COL16A1: variants seen among roughly 807,000 people sequenced by gnomAD.
COL16A1 encodes the protein collagen alpha-1(XVI) chain.
Under a neutral mutation model 266.3 loss-of-function variants are expected in COL16A1, and 189 were observed. The ratio of observed to expected loss-of-function variants is 0.71; its 90% CI spans 0.63 to 0.80. The LOEUF is 0.80. Ranked by LOEUF, COL16A1 falls within the 30% of genes least tolerant of loss-of-function variation. COL16A1 has a pLI of 0.00. For missense variants in COL16A1, 1,928 were observed against 2,122.4 expected (o/e 0.91, Z 1.80); for synonymous variants, 740 against 782.3 (o/e 0.95, Z 0.90).
rs1160320824 is a variant in COL16A1 at position 31,689,902 on chromosome 1, G to C, written c.1510-51C>G. 3.9e-6 allele frequency: 6 copies of C among 1,521,826 alleles called. No individual in the cohort carries two copies. In the African/African-American group the frequency reaches 6.8e-5, roughly 17 times the overall value. The allele number at this position is 1,521,826 out of a possible 1,614,324, so 94.3% of individuals were successfully genotyped here. ...GGACAGGGTGGGGCTGAGACCCCAG[G>C]GAAGGCAAGGGGCCTCTTGCGCAGA... is the stretch of plus-strand genomic sequence containing the variant. On this transcript the variant is annotated intron_variant, in intron 22 of 70. Coordinates refer to ENST00000373672, the MANE Select transcript of COL16A1 (RefSeq NM_001856.4).
Position 31,662,672 on chromosome 1 carries a change from C to CGGGGGGGGGGGGGGGGGGGGGGGGGGGG in COL16A1, c.3556-15_3556-14insCCCCCCCCCCCCCCCCCCCCCCCCCCCC. 8.4e-7 allele frequency: 1 copy of CGGGGGGGGGGGGGGGGGGGGGGGGGGGG among 1,194,974 alleles called. No individual in the cohort carries two copies. The highest frequency in any genetic ancestry group is 1.2e-6 in the Non-Finnish European group (1 of 857,788). 74.0% of individuals were successfully genotyped at this position (1,194,974 alleles called of 1,614,324 possible). ...CCCTTCGCTGCCCTGGAAACCAGCG[C>CGGGGGGGGGGGGGGGGGGGGGGGGGGGG]CGCCCCCCCCCCCCGCCCCACAATA... On this transcript the variant is annotated splice_polypyrimidine_tract_variant and intron_variant, in intron 56 of 70. Transcript: ENST00000373672.
intron 52 of COL16A1, chr1:31,666,363 C>T (rs1326940446): frequency 6.3e-6 from 3 of 473,240 alleles, no homozygotes; most frequent in African/African-American, 4.0e-5. Context: ...CACTCTCTTG[C>T]TCAAACACCT....
In COL16A1 at chr1:31,668,831, T is replaced by C; in HGVS notation, c.3220A>G (p.Thr1074Ala). ...LPGLQGERGL[T>A]GLTGDKGEPG... is the part of the protein sequence containing the mutation. ...TCCCCCTTGTCTCCAGTCAGGCCCG[T>C]GAGACCTCGCTCTCCTTGAAGGCCC... The change falls in exon 50 of 71, where the codon ACG becomes GCG. Residue 1074 changes from threonine (T) to alanine (A), a missense_variant. Physicochemically the swap from Thr to Ala is moderately conservative, Grantham distance 58. Coordinates refer to ENST00000373672, the MANE Select transcript of COL16A1 (RefSeq NM_001856.4). This position sits in a 1 kb window ranked among gnomAD's most constrained non-coding sequence, Gnocchi z 5.8. 1 of 1,613,732 alleles carries C rather than the reference T, an allele frequency of 6.2e-7. No homozygotes were observed. The highest frequency in any genetic ancestry group is 8.5e-7 in the Non-Finnish European group (1 of 1,179,892).
At position 31,661,639 on chromosome 1, in the gene COL16A1, C is replaced by T. The variant is rs763135408; in HGVS notation, c.3726+21G>A. ...AGCTGCAACTTCGCAGCTTCCAACTCCTTCCTGCAGCTCAACTTACCGGTG... is the reference window on the plus strand; with the variant it reads ...AGCTGCAACTTCGCAGCTTCCAACTTCTTCCTGCAGCTCAACTTACCGGTG... On this transcript the variant is annotated intron_variant, in intron 59 of 70. Coordinates refer to ENST00000373672, the MANE Select transcript of COL16A1 (RefSeq NM_001856.4). 2.5e-6 allele frequency: 4 copies of T among 1,613,832 alleles called. No individual in the cohort carries two copies. The African/African-American group carries it at 4.0e-5, about 16-fold the overall frequency.
intron 12 of COL16A1, 66 bp downstream of exon 12, chr1:31,694,078 C>T (rs1644392001): frequency 2.7e-6 from 4 of 1,462,298 alleles, no homozygotes; most frequent in Admixed American, 1.8e-5. Context: ...CACAGGGTCA[C>T]ATGCTGTGGG....
rs1480370199 is a variant in COL16A1, at chr1:31,662,405, G to A, written c.3628-18C>T. On this transcript the variant is annotated intron_variant, in intron 57 of 70. Coordinates refer to ENST00000373672, the MANE Select transcript of COL16A1 (RefSeq NM_001856.4). ...GCGGGGCCCTGGAAACAGGAAAGAG[G>A]CATTTCTACATGCTGGTGCGGGAGC... 6.2e-7 allele frequency: 1 copy of A among 1,610,484 alleles called. No homozygotes were observed. Among genetic ancestry groups the A allele is most frequent in the Admixed American group, 1.7e-5 (1 of 59,704 alleles).
Position 31,658,826 on chromosome 1 carries a change from C to G in COL16A1, c.3930+88G>C, listed in dbSNP as rs867078668. The G allele has an allele frequency of 6.9e-6, 10 of 1,442,586 alleles. 1 individual carries two copies. The South Asian group carries it at 1.1e-4, about 16-fold the overall frequency. 89.4% of individuals were successfully genotyped at this position (1,442,586 alleles called of 1,614,324 possible). On this transcript the variant is annotated intron_variant, in intron 63 of 70. Coordinates refer to ENST00000373672, the MANE Select transcript of COL16A1 (RefSeq NM_001856.4). ...AGGAGGGGATGAGACAAACTGTTCT[C>G]CATCCCCCCAGCTTCCTCTGAATGG...
Position 31,688,466 on chromosome 1 carries a change from CCTT to C in COL16A1, c.1801_1803del (p.Lys601del). ...TCCCTGACATCTAACCCAGGTCTCA[CCTT>C]CTCTCCTTTCAGCCCTGGAACCCCA... On this transcript the variant is annotated inframe_deletion and splice_region_variant, in exon 26 of 71. Transcript: ENST00000373672. The surrounding 1 kb of genome is among the most constrained non-coding windows in gnomAD (Gnocchi z 4.9). 1 of 1,614,170 alleles carries C rather than the reference CCTT, an allele frequency of 6.2e-7. No homozygotes were observed. The highest frequency in any genetic ancestry group is 8.5e-7 in the Non-Finnish European group (1 of 1,180,036).
chr1:31,675,771 C>T (rs781260736), intron 42 of COL16A1, among the ~76,000 whole-genome samples: 2 of 152,066 alleles, frequency 1.3e-5, no homozygotes, highest in Non-Finnish European at 2.9e-5. Flanking sequence ...AGCGATTCTC[C>T]CACCTCAGCC....
intron 20 of COL16A1, among the ~76,000 whole-genome samples, 155 bp downstream of exon 20, chr1:31,691,033 A>C (rs1213176345): frequency 6.6e-6 from 1 of 152,184 alleles, no homozygotes; most frequent in Non-Finnish European, 1.5e-5. Context: ...GCTCCCCGCC[A>C]AGGGGCCTGG....
intron 49 of COL16A1, among the ~76,000 whole-genome samples, chr1:31,669,248 G>C (rs1319106918): frequency 6.6e-6 from 1 of 152,078 alleles, no homozygotes; most frequent in African/African-American, 2.4e-5. Context: ...TGTCAGGAGA[G>C]GTACCCCAGA....
At chr1:31,674,054 A>G (rs1642968478) in intron 44 of COL16A1, among the ~76,000 whole-genome samples, 1 of 152,208 alleles carries the variant, frequency 6.6e-6, no homozygotes, top group African/African-American at 2.4e-5. Flanking sequence ...CTGTGATCCA[A>G]CATGTAACTG....
chr1:31,692,562 C>A, intron 15 of COL16A1, 36 bp downstream of exon 15: 1 of 1,614,054 alleles, frequency 6.2e-7, no homozygotes, highest in Non-Finnish European at 8.5e-7. Flanking sequence ...GGCCCTGGAC[C>A]CACCATCCCT....
At position 31,684,531 on chromosome 1, in the gene COL16A1, CT is replaced by C; in HGVS notation, c.2151del (p.Gly718GlufsTer17). 14 of 1,612,466 alleles carry C rather than the reference CT, an allele frequency of 8.7e-6. No homozygotes were observed. Among genetic ancestry groups the C allele is most frequent in the Non-Finnish European group, 1.2e-5 (14 of 1,179,378 alleles). On this transcript the variant is annotated frameshift_variant, in exon 31 of 71. Transcript: ENST00000373672. LOFTEE classifies it high-confidence loss of function. ...CACCCCGCCTGACTAACCTTTTCTC[CT>C]TTTGGCCCCGCGGGGCCCTGAACTC... is the stretch of plus-strand genomic sequence containing the variant. ...EPGVQGPAGPKGEKGDGCTAC... is the reference protein window; with the variant it reads ...EPGVQGPAGPXGEKGDGCTAC...
In COL16A1 at chr1:31,658,958, G is replaced by A; in HGVS notation, c.3886C>T (p.Pro1296Ser). ...RPGPPGHVGPPGPPGQPGPAG... is the reference protein window; with the variant it reads ...RPGPPGHVGPSGPPGQPGPAG... ...GGTCCTGGCTGGCCTGGAGGCCCTG[G>A]TGGCCCCTAAAGAGAGATGAGTCAG... The change falls in exon 63 of 71, where the codon CCA becomes TCA. Residue 1296 changes from proline (P) to serine (S), a missense_variant. Transcript: ENST00000373672. 6.4e-7 allele frequency: 1 copy of A among 1,554,182 alleles called. No homozygotes were observed. Among genetic ancestry groups the A allele is most frequent in the Non-Finnish European group, 8.7e-7 (1 of 1,148,382 alleles).
chr1:31,700,035 G>T lies in COL16A1; in HGVS notation c.148+6C>A. On this transcript the variant is annotated splice_donor_region_variant and intron_variant, in intron 3 of 70. Transcript: ENST00000373672. Reference sequence around the variant, plus strand: ...GGACGGCGCGATGAGATGGTTGGGTGCTCACCAGTCACGTTGGCTGGCAGG... The same window carrying T: ...GGACGGCGCGATGAGATGGTTGGGTTCTCACCAGTCACGTTGGCTGGCAGG... The T allele has an allele frequency of 6.2e-7, 1 of 1,614,092 alleles. No homozygotes were observed. The highest frequency in any genetic ancestry group is 1.3e-5 in the African/African-American group (1 of 75,040).
chr1:31,673,165 C>T, intron 44 of COL16A1: 1 of 402,994 alleles, frequency 2.5e-6, no homozygotes, highest in South Asian at 2.1e-5. Flanking sequence ...AACCTGCACC[C>T]ACTGCGAGGA....
intron 41 of COL16A1, 38 bp from the exon 42 acceptor site, chr1:31,679,723 C>T (rs1025257764): frequency 2.5e-6 from 4 of 1,612,680 alleles, no homozygotes; most frequent in Non-Finnish European, 2.5e-6. Flanking sequence ...CAGCAGAGAG[C>T]TCTGCCCCAT....
chr1:31,661,922 A>G (rs1413950855), intron 58 of COL16A1, among the ~76,000 whole-genome samples: 1 of 152,098 alleles, frequency 6.6e-6, no homozygotes, highest in Non-Finnish European at 1.5e-5. Context: ...AAGGGGGTTG[A>G]CTTTGATGTT....
Sources: allele counts gnomAD v4.1 joint callset (sites outside exome capture counted in the v4.1 genomes callset), GRCh38; gene constraint gnomAD v4.1.1; non-coding constraint Gnocchi (gnomAD v3.1); transcripts MANE v1.5; gene names NCBI Gene and HGNC (gene_info 2026-07-23, HGNC 2026-07-21).